Variants in PGAP4 observed in about 807,000 individuals in gnomAD.
PGAP4 encodes post-GPI attachment to proteins GalNAc transferase 4.
In PGAP4, 12 loss-of-function variants were observed where a neutral mutation model predicts 28.2. The ratio of observed to expected loss-of-function variants is 0.42; its 90% confidence interval spans 0.27 to 0.69. PGAP4 has a LOEUF of 0.69. Ranked by LOEUF, PGAP4 falls within the 30% of genes least tolerant of loss-of-function variation. The probability of loss-of-function intolerance (pLI) is 0.22; values close to 1 mark genes in which losing one functional copy is unlikely to be tolerated. For missense variants in PGAP4, 425 were observed against 513.5 expected (o/e 0.83, Z 1.67); for synonymous variants, 205 against 211.8 (o/e 0.97, Z 0.28).
At chr9:101,479,753 A>T (rs1194538834) in intron 1 of PGAP4, 2 of 152,240 alleles carry the variant, frequency 1.3e-5, no homozygotes, top group African/African-American at 4.8e-5. Flanking sequence ...TTTCTTGCAT[A>T]CGGGTTTGTG....
Position 101,477,135 on chromosome 9 carries a change from C to A in PGAP4, c.-43G>T. 2 of 1,515,316 alleles carry A rather than the reference C, an allele frequency of 1.3e-6. No individual in the cohort carries two copies. The highest frequency in any genetic ancestry group is 1.8e-6 in the Non-Finnish European group (2 of 1,134,724). The allele number at this position is 1,515,316 out of a possible 1,614,324, so 93.9% of individuals were successfully genotyped here. A position where few individuals can be genotyped will look rare whatever the true frequency, so the allele number is the denominator to read the frequency against. ...ATGTCTGGTCCCAAGAAAAAACCAT[C>A]CTGGAACTCAGGCCAGAGTCATCAG... On this transcript the variant is annotated 5_prime_UTR_variant, in exon 2 of 2. Transcript: ENST00000374848.
chr9:101,520,949 T>C (rs1281246062), intron 2 of PGAP4, among the ~76,000 whole-genome samples: 1 of 152,170 alleles, frequency 6.6e-6, no homozygotes, highest in Non-Finnish European at 1.5e-5. Context: ...TTTTGTTGAA[T>C]ACTTTTTTTG....
intron 2 of PGAP4, among the ~76,000 whole-genome samples, chr9:101,529,933 C>T (rs1827072836): frequency 6.6e-6 from 1 of 152,162 alleles, no homozygotes; most frequent in Non-Finnish European, 1.5e-5. Flanking sequence ...AGAGCAAGGG[C>T]TATGGTATCT....
In PGAP4 at chr9:101,484,534, T is replaced by C. The variant is rs190542565; in HGVS notation, c.-78+2415A>G. On this transcript the variant is annotated intron_variant, in intron 1 of 1. Coordinates refer to ENST00000374848, the MANE Select transcript of PGAP4 (RefSeq NM_032342.3). ...TCTCCAATATGATGGTATTTGGAGA[T>C]GGGGTCTTTGGAAGGTAATCAGGTC... Among the ~76,000 whole-genome samples the C allele has an allele frequency of 2.5e-3, 375 of 152,322 alleles. 1 individual carries two copies. The highest frequency in any genetic ancestry group is 6.8e-3 in the Middle Eastern group (2 of 294).
At chr9:101,496,935 A>C (rs1374252470) in intron 2 of PGAP4, among the ~76,000 whole-genome samples, 4 of 150,510 alleles carry the variant, frequency 2.7e-5, no homozygotes. Context: ...TTTTTTCATA[A>C]TTTTTTAATA....
chr9:101,522,814 T>C (rs1472079208), intron 2 of PGAP4, among the ~76,000 whole-genome samples: 1 of 152,212 alleles, frequency 6.6e-6, no homozygotes, highest in Non-Finnish European at 1.5e-5. Flanking sequence ...TTTTGTTTTA[T>C]AGGTCCTGTG....
At chr9:101,481,803 G>C (rs1347685360) in intron 1 of PGAP4, among the ~76,000 whole-genome samples, 1 of 152,134 alleles carries the variant, frequency 6.6e-6, no homozygotes, top group Non-Finnish European at 1.5e-5. Context: ...TGAATGGCAC[G>C]ACCACTTTCC....
At position 101,473,971 on chromosome 9, in the gene PGAP4, C is replaced by T. The variant is rs931209746; in HGVS notation, c.*1910G>A. The T allele has an allele frequency of 3.7e-4, 56 of 152,158 alleles. No homozygotes were observed. Among genetic ancestry groups the T allele is most frequent in the African/African-American group, 1.2e-3 (51 of 41,426 alleles). 9.4% of individuals were successfully genotyped at this position (152,158 alleles called of 1,614,324 possible). On this transcript the variant is annotated 3_prime_UTR_variant, in exon 2 of 2. Transcript: ENST00000374848. The stretch of plus-strand genomic sequence containing the variant: ...ATAACAGCTCACTATAACATTACAA[C>T]ACATACTTATATCTGTTTGCTCCTC...
chr9:101,488,236 G>T (rs370632272), upstream of PGAP4, among the ~76,000 whole-genome samples: 6 of 152,074 alleles, frequency 3.9e-5, no homozygotes, highest in East Asian at 1.2e-3. Flanking sequence ...CAAGGAATTT[G>T]TCATTAGGAA....
rs1216079175 is a variant in PGAP4 at position 101,474,046 on chromosome 9, A to T, written c.*1835T>A. The stretch of plus-strand genomic sequence containing the variant: ...TGCCATCTTAGCTTACAGAGACATG[A>T]TCTAGTTCAGCTTATACTCAGATTT... On this transcript the variant is annotated 3_prime_UTR_variant, in exon 2 of 2. Coordinates refer to ENST00000374848, the MANE Select transcript of PGAP4 (RefSeq NM_032342.3). 1 of 152,198 alleles carries T rather than the reference A, an allele frequency of 6.6e-6. No homozygotes were observed. The highest frequency in any genetic ancestry group is 1.9e-4 in the East Asian group (1 of 5,198). The allele number at this position is 152,198 out of a possible 1,614,324, so 9.4% of individuals were successfully genotyped here.
At chr9:101,495,566 C>G (rs903291550) in intron 2 of PGAP4, among the ~76,000 whole-genome samples, 1 of 146,012 alleles carries the variant, frequency 6.8e-6, no homozygotes, top group Non-Finnish European at 1.5e-5. Flanking sequence ...CTAGGGAAAC[C>G]TACCAAAGAT....
At chr9:101,492,297 G>A (rs1385596672) in intron 2 of PGAP4, among the ~76,000 whole-genome samples, 1 of 151,848 alleles carries the variant, frequency 6.6e-6, no homozygotes, top group Non-Finnish European at 1.5e-5. Context: ...GGGTTCAAGC[G>A]ATTCTCCTGC....
rs1588188048 is a variant in PGAP4 at position 101,473,763 on chromosome 9, C to T, written c.*2118G>A. Reference sequence around the variant, plus strand: ...GGCTCTACTGTCATTGGTCAAAAAACTTTCATGAGGAGATCCAATCACTAA... The same window carrying T: ...GGCTCTACTGTCATTGGTCAAAAAATTTTCATGAGGAGATCCAATCACTAA... On this transcript the variant is annotated 3_prime_UTR_variant, in exon 2 of 2. Coordinates refer to ENST00000374848, the MANE Select transcript of PGAP4 (RefSeq NM_032342.3). 6.6e-6 allele frequency: 1 copy of T among 152,376 alleles called. No individual in the cohort carries two copies. Among genetic ancestry groups the T allele is most frequent in the Non-Finnish European group, 1.5e-5 (1 of 68,080 alleles). 9.4% of individuals were successfully genotyped at this position (152,376 alleles called of 1,614,324 possible). A position where few individuals can be genotyped will look rare whatever the true frequency, so the allele number is the denominator to read the frequency against.
rs985397759 is a variant in PGAP4, at chr9:101,473,353, T to C, written c.*2528A>G. 6.6e-6 allele frequency: 1 copy of C among 152,248 alleles called. No individual in the cohort carries two copies. Among genetic ancestry groups the C allele is most frequent in the African/African-American group, 2.4e-5 (1 of 41,458 alleles). The allele number at this position is 152,248 out of a possible 1,614,324, so 9.4% of individuals were successfully genotyped here. A position where few individuals can be genotyped will look rare whatever the true frequency, so the allele number is the denominator to read the frequency against. ...ATGGGAAGGATATCTTAGTTCTCCC[T>C]AGCCCCTTGCTTAGGATTAAGTGAG... On this transcript the variant is annotated 3_prime_UTR_variant, in exon 2 of 2. Coordinates refer to ENST00000374848, the MANE Select transcript of PGAP4 (RefSeq NM_032342.3).
intron 2 of PGAP4, among the ~76,000 whole-genome samples, chr9:101,493,321 T>A (rs1826709265): frequency 6.6e-6 from 1 of 151,988 alleles, no homozygotes; most frequent in Non-Finnish European, 1.5e-5. Context: ...AAAGGTAGAC[T>A]CTCTTCTGAT....
chr9:101,488,736 A>G (rs896527828), upstream of PGAP4, among the ~76,000 whole-genome samples: 5 of 152,194 alleles, frequency 3.3e-5, no homozygotes, highest in African/African-American at 1.2e-4. Flanking sequence ...ATTAAATAAA[A>G]TGTAATAATC....
chr9:101,501,315 T>C (rs2118593400), intron 2 of PGAP4, among the ~76,000 whole-genome samples: 1 of 152,184 alleles, frequency 6.6e-6, no homozygotes, highest in Middle Eastern at 3.4e-3. Context: ...GAATTAGCAA[T>C]GATTCAGAAT....
chr9:101,480,457 T>G (rs1467698488), intron 1 of PGAP4, among the ~76,000 whole-genome samples: 1 of 152,186 alleles, frequency 6.6e-6, no homozygotes, highest in Non-Finnish European at 1.5e-5. Flanking sequence ...TCAAAGCCAC[T>G]GCTCAAAAGT....
chr9:101,515,643 T>G (rs992072995), intron 2 of PGAP4, among the ~76,000 whole-genome samples: 8 of 152,106 alleles, frequency 5.3e-5, no homozygotes, highest in African/African-American at 1.9e-4. Context: ...TTCAGAAATT[T>G]TTGTCAAAAT....
Sources: allele counts gnomAD v4.1 joint callset (sites outside exome capture counted in the v4.1 genomes callset), GRCh38; gene constraint gnomAD v4.1.1; transcripts MANE v1.5; gene names NCBI Gene and HGNC (gene_info 2026-07-23, HGNC 2026-07-21).